FGF12: variants seen among roughly 807,000 people sequenced by gnomAD.
FGF12 encodes the protein fibroblast growth factor 12.
In FGF12, 14 loss-of-function variants were observed where a neutral mutation model predicts 23.6. That is an observed-to-expected ratio of 0.59 (90% CI 0.39 to 0.93). The LOEUF (loss-of-function observed/expected upper bound fraction) is 0.93, where lower values mean the gene tolerates loss of function less well. Ranked by LOEUF, FGF12 falls within the 40% of genes least tolerant of loss-of-function variation. The probability of loss-of-function intolerance (pLI) is 0.00; values close to 1 mark genes in which losing one functional copy is unlikely to be tolerated. For missense variants in FGF12, 175 were observed against 217.8 expected (o/e 0.80, Z 1.24); for synonymous variants, 62 against 77.3 (o/e 0.80, Z 1.04).
intron 4 of FGF12, among the ~76,000 whole-genome samples, chr3:192,182,820 T>C (rs1375353900): frequency 6.6e-6 from 1 of 152,226 alleles, no homozygotes; most frequent in African/African-American, 2.4e-5. Context: ...ATGAAGGATG[T>C]AGGCTCTCCA....
intron 2 of FGF12, among the ~76,000 whole-genome samples, chr3:192,622,055 C>G (rs1419335605): frequency 6.6e-6 from 1 of 152,084 alleles, no homozygotes; most frequent in Non-Finnish European, 1.5e-5. Flanking sequence ...AAATGCAAGC[C>G]AAGTACTAAA....
intron 2 of FGF12, among the ~76,000 whole-genome samples, chr3:192,486,614 T>G (rs1049959642): frequency 6.6e-5 from 10 of 152,008 alleles, no homozygotes; most frequent in African/African-American, 2.4e-4. Context: ...AAGAAGAGCA[T>G]GAGACAAGGT....
chr3:192,432,639 A>AAAAAAAAAG (rs1553812376), intron 2 of FGF12, among the ~76,000 whole-genome samples: 10 of 137,080 alleles, frequency 7.3e-5, no homozygotes, highest in African/African-American at 2.9e-4. Flanking sequence ...AAAAAAAAAA[A>AAAAAAAAAG]AAAGAAAGAA....
At chr3:192,298,122 C>T (rs943752374) in intron 4 of FGF12, among the ~76,000 whole-genome samples, 6 of 152,212 alleles carry the variant, frequency 3.9e-5, no homozygotes, top group Non-Finnish European at 8.8e-5. Context: ...ACATAAAAAG[C>T]TAATGTTCTC....
chr3:192,332,428 A>T (rs531285625), intron 4 of FGF12, among the ~76,000 whole-genome samples: 9 of 152,230 alleles, frequency 5.9e-5, no homozygotes, highest in East Asian at 5.8e-4. Flanking sequence ...AAGGAAATTT[A>T]AAAAAATACA....
At chr3:192,689,993 G>A (rs2108718543) in intron 2 of FGF12, among the ~76,000 whole-genome samples, 1 of 152,104 alleles carries the variant, frequency 6.6e-6, no homozygotes, top group Non-Finnish European at 1.5e-5. Context: ...AAGTGAGAGT[G>A]ATGATGTACT....
intron 2 of FGF12, among the ~76,000 whole-genome samples, chr3:192,508,212 T>C (rs138480526): frequency 2.1e-4 from 32 of 152,256 alleles, no homozygotes; most frequent in Admixed American, 2.0e-4. Context: ...AGCTTATGTA[T>C]AAACAAGAAA....
intron 4 of FGF12, among the ~76,000 whole-genome samples, chr3:192,297,241 A>C (rs1205892740): frequency 6.6e-6 from 1 of 152,226 alleles, no homozygotes; most frequent in Admixed American, 6.5e-5. Context: ...ACTTTTCTGG[A>C]AATATGCTAT....
intron 2 of FGF12, among the ~76,000 whole-genome samples, chr3:192,380,787 G>C (rs1432251900): frequency 6.6e-6 from 1 of 151,998 alleles, no homozygotes; most frequent in Non-Finnish European, 1.5e-5. Flanking sequence ...AGAATGCTGA[G>C]TTTCATGCCT....
chr3:192,414,458 T>C (rs1011954725), intron 2 of FGF12, among the ~76,000 whole-genome samples: 1 of 152,168 alleles, frequency 6.6e-6, no homozygotes. Context: ...CAAAACACCA[T>C]GAATAATTAC....
At chr3:192,251,374 A>G (rs1371691786) in intron 4 of FGF12, among the ~76,000 whole-genome samples, 3 of 152,154 alleles carry the variant, frequency 2.0e-5, no homozygotes, top group Non-Finnish European at 2.9e-5. Flanking sequence ...TTACATTCCT[A>G]AATTTGGCTA....
At chr3:192,518,821 C>T (rs1156955864) in intron 2 of FGF12, among the ~76,000 whole-genome samples, 2 of 152,062 alleles carry the variant, frequency 1.3e-5, no homozygotes, top group Admixed American at 6.6e-5. Context: ...AAAAAGCAAA[C>T]ATGTTATTTT....
intron 2 of FGF12, among the ~76,000 whole-genome samples, chr3:192,617,511 G>A (rs1357818979): frequency 2.0e-5 from 3 of 152,124 alleles, no homozygotes; most frequent in Non-Finnish European, 4.4e-5. Flanking sequence ...TCAGCCAGAA[G>A]CACCTCTTTC....
chr3:192,452,744 A>G (rs1008050932), intron 2 of FGF12, among the ~76,000 whole-genome samples: 2 of 152,340 alleles, frequency 1.3e-5, no homozygotes. Flanking sequence ...AAATGTGGAC[A>G]GTATTGCTCC....
Position 192,666,930 on chromosome 3 carries a change from G to GATAA in FGF12, c.13+60250_13+60251insTTAT, listed in dbSNP as rs1230421352. Among the ~76,000 whole-genome samples the GATAA allele has an allele frequency of 2.1e-5, 3 of 143,400 alleles. No homozygotes were observed. In the Admixed American group the frequency reaches 2.4e-4, roughly 11 times the overall value. The allele number at this position is 143,400 out of a possible 152,430, so 94.1% of individuals were successfully genotyped here. On this transcript the variant is annotated intron_variant, in intron 2 of 5. Transcript: ENST00000445105. Reference sequence around the variant, plus strand: ...TGGATAGATAGATGATAGATAGATAGATAGATAGATAGATAGATAGATAGA... The same window carrying GATAA: ...TGGATAGATAGATGATAGATAGATAGATAAATAGATAGATAGATAGATAGATAGA...
intron 4 of FGF12, among the ~76,000 whole-genome samples, chr3:192,227,635 G>A (rs1199502316): frequency 1.3e-5 from 2 of 148,528 alleles, no homozygotes; most frequent in African/African-American, 2.5e-5. Context: ...ACCATAGTAA[G>A]TGAGCAAGAG....
chr3:192,425,809 AAAT>A (rs1721672944), intron 2 of FGF12, among the ~76,000 whole-genome samples: 1 of 152,206 alleles, frequency 6.6e-6, no homozygotes, highest in African/African-American at 2.4e-5. Context: ...CTTTTAATGA[AAAT>A]AATTGGTTTA....
At chr3:192,638,315 T>C (rs1715658888) in intron 2 of FGF12, among the ~76,000 whole-genome samples, 2 of 152,218 alleles carry the variant, frequency 1.3e-5, no homozygotes, top group Non-Finnish European at 1.5e-5. Flanking sequence ...AAACAAGGAT[T>C]AAGTTACTAA....
At chr3:192,162,022 G>A (rs1714911376) in intron 5 of FGF12, among the ~76,000 whole-genome samples, 1 of 151,984 alleles carries the variant, frequency 6.6e-6, no homozygotes, top group South Asian at 2.1e-4. Context: ...AACCTCCATC[G>A]ACTACTAGTT....
Sources: allele counts gnomAD v4.1 joint callset (sites outside exome capture counted in the v4.1 genomes callset), GRCh38; gene constraint gnomAD v4.1.1; transcripts MANE v1.5; gene names NCBI Gene and HGNC (gene_info 2026-07-23, HGNC 2026-07-21).